Variants in AGBL1 observed in about 807,000 individuals in gnomAD.
AGBL1 encodes cytosolic carboxypeptidase 4.
Under a neutral mutation model 118.9 loss-of-function variants are expected in AGBL1, and 130 were observed. The observed-to-expected ratio is 1.09, with a 90% CI of 0.95 to 1.26. The LOEUF (loss-of-function observed/expected upper bound fraction) is 1.26, where lower values mean the gene tolerates loss of function less well. Among genes scored for constraint, AGBL1 ranks in the 50% most tolerant of loss-of-function variants. AGBL1 has a pLI of 0.00. For missense variants in AGBL1, 1,584 were observed against 1,298.1 expected, an observed-to-expected ratio of 1.22 and a Z score of -3.38; for synonymous variants, 555 against 478.9, an observed-to-expected ratio of 1.16 and a Z score of -2.08.
At chr15:86,852,115 G>T (rs903507317) in intron 22 of AGBL1, among the ~76,000 whole-genome samples, 9 of 152,068 alleles carry the variant, frequency 5.9e-5, no homozygotes, top group African/African-American at 2.2e-4. Context: ...ATTTATAAAG[G>T]AAAGAGGTTT....
At chr15:86,155,449 TA>T (rs1395263879) in intron 4 of AGBL1, among the ~76,000 whole-genome samples, 3 of 152,014 alleles carry the variant, frequency 2.0e-5, no homozygotes, top group African/African-American at 7.3e-5. Flanking sequence ...GACCTTGTCT[TA>T]AAAAAATAAA....
At chr15:86,754,280 G>A (rs765820479) in intron 22 of AGBL1, among the ~76,000 whole-genome samples, 1 of 152,080 alleles carries the variant, frequency 6.6e-6, no homozygotes, top group Non-Finnish European at 1.5e-5. Context: ...TTTTCATGCA[G>A]ATATATCTTG....
intron 22 of AGBL1, among the ~76,000 whole-genome samples, chr15:86,699,969 G>T (rs1056837795): frequency 1.3e-5 from 2 of 151,982 alleles, no homozygotes; most frequent in Admixed American, 6.6e-5. Context: ...ACGCCAAATT[G>T]TTATTTTCCA....
intron 21 of AGBL1, among the ~76,000 whole-genome samples, chr15:86,568,293 TA>T (rs904380000): frequency 1.3e-5 from 2 of 152,164 alleles, no homozygotes; most frequent in African/African-American, 4.8e-5. Context: ...TGGCTCTGTG[TA>T]AGTTTTCTGG....
At chr15:86,133,118 G>GT (rs901757791) in intron 1 of AGBL1, among the ~76,000 whole-genome samples, 8 of 152,142 alleles carry the variant, frequency 5.3e-5, no homozygotes, top group African/African-American at 1.2e-4. Context: ...TGTTACAGAG[G>GT]TTATGGAAAT....
chr15:86,204,272 T>C (rs2077953981), intron 5 of AGBL1, among the ~76,000 whole-genome samples: 1 of 152,206 alleles, frequency 6.6e-6, no homozygotes. Context: ...CATTGCCCCC[T>C]GTCCTTCCTC....
At chr15:86,769,052 A>G (rs1341367648) in intron 22 of AGBL1, among the ~76,000 whole-genome samples, 1 of 151,988 alleles carries the variant, frequency 6.6e-6, no homozygotes, top group Non-Finnish European at 1.5e-5. Context: ...AGCATATTGC[A>G]TCAGTTGCCA....
chr15:86,319,897 C>T (rs2080078949), intron 17 of AGBL1, among the ~76,000 whole-genome samples: 1 of 151,666 alleles, frequency 6.6e-6, no homozygotes, highest in Non-Finnish European at 1.5e-5. Context: ...GCTGGGATTA[C>T]AGGCACCCGC....
chr15:86,893,669 A>T (rs1416811582), intron 22 of AGBL1, among the ~76,000 whole-genome samples: 1 of 152,182 alleles, frequency 6.6e-6, no homozygotes, highest in African/African-American at 2.4e-5. Flanking sequence ...AGCTGCATTT[A>T]TATAGGTTTA....
chr15:86,141,617 C>T (rs1431192904), intron 1 of AGBL1, among the ~76,000 whole-genome samples: 1 of 152,134 alleles, frequency 6.6e-6, no homozygotes, highest in Non-Finnish European at 1.5e-5. Context: ...CACCACTGCA[C>T]CCCCGCCTGG....
At position 86,383,221 on chromosome 15, in the gene AGBL1, A is replaced by T. The variant is rs368257698; in HGVS notation, c.2375-14145A>T. On this transcript the variant is annotated intron_variant, in intron 17 of 22. Coordinates refer to ENST00000614907, the MANE Select transcript of AGBL1 (RefSeq NM_001386094.1). ...GCCCAAGATTCCTGAGAGATGCTGC[A>T]CTGAAGAGAGTAAGCATTCAGTATG... is the stretch of plus-strand genomic sequence containing the variant. Among the ~76,000 whole-genome samples, 8 of 140,610 alleles carry T rather than the reference A, an allele frequency of 5.7e-5. No homozygotes were observed. The East Asian group carries it at 1.1e-3, about 19-fold the overall frequency. 92.2% of individuals were successfully genotyped at this position (140,610 alleles called of 152,430 possible). A position where few individuals can be genotyped will look rare whatever the true frequency, so the allele number is the denominator to read the frequency against.
At chr15:86,645,337 G>A (rs1367692988) in intron 21 of AGBL1, among the ~76,000 whole-genome samples, 1 of 152,200 alleles carries the variant, frequency 6.6e-6, no homozygotes, top group African/African-American at 2.4e-5. Flanking sequence ...ATTGGGGAAG[G>A]ACAGGTTGGT....
Position 86,895,580 on chromosome 15 carries a change from C to T in AGBL1, c.3159-11507C>T, listed in dbSNP as rs551403929. Reference sequence around the variant, plus strand: ...AGAATTGCAGTTTGGGGTTCATTTTCCCTCAGCATTGACAAGACATAATTA... The same window carrying T: ...AGAATTGCAGTTTGGGGTTCATTTTTCCTCAGCATTGACAAGACATAATTA... On this transcript the variant is annotated intron_variant, in intron 22 of 22. Coordinates refer to ENST00000614907, the MANE Select transcript of AGBL1 (RefSeq NM_001386094.1). 3.7e-4 allele frequency among the ~76,000 whole-genome samples: 56 copies of T among 152,080 alleles called. 2 individuals carry two copies. The South Asian group carries it at 0.01, about 28-fold the overall frequency.
chr15:86,738,258 A>G (rs192126078), intron 22 of AGBL1, among the ~76,000 whole-genome samples: 23 of 152,338 alleles, frequency 1.5e-4, no homozygotes, highest in Admixed American at 1.4e-3. Flanking sequence ...TGTGACAATT[A>G]CACAGCTAAC....
At chr15:86,769,950 C>T (rs541630757) in intron 22 of AGBL1, among the ~76,000 whole-genome samples, 3 of 151,860 alleles carry the variant, frequency 2.0e-5, no homozygotes, top group Admixed American at 6.6e-5. Context: ...CAGTTATATA[C>T]CAAGCATTAA....
At chr15:86,477,635 C>G (rs1211489137) in intron 18 of AGBL1, among the ~76,000 whole-genome samples, 1 of 152,148 alleles carries the variant, frequency 6.6e-6, no homozygotes, top group Admixed American at 6.5e-5. Context: ...GTATTCACAG[C>G]CAAATTCTAC....
chr15:86,640,998 T>C (rs1326383778), intron 21 of AGBL1, among the ~76,000 whole-genome samples: 1 of 152,060 alleles, frequency 6.6e-6, no homozygotes, highest in Non-Finnish European at 1.5e-5. Flanking sequence ...TTTTGGCCAT[T>C]TGCATTTATT....
chr15:86,562,451 AT>A (rs2083839771), intron 21 of AGBL1, among the ~76,000 whole-genome samples: 1 of 152,002 alleles, frequency 6.6e-6, no homozygotes, highest in African/African-American at 2.4e-5. Context: ...ATGTTTATTG[AT>A]TTGCATATGT....
intron 16 of AGBL1, among the ~76,000 whole-genome samples, chr15:86,286,761 A>G (rs568131106): frequency 2.7e-5 from 4 of 147,570 alleles, no homozygotes; most frequent in Admixed American, 1.3e-4. Flanking sequence ...AACTCCATCA[A>G]TGCGCACTGT....
Sources: allele counts gnomAD v4.1 joint callset (sites outside exome capture counted in the v4.1 genomes callset), GRCh38; gene constraint gnomAD v4.1.1; transcripts MANE v1.5; gene names NCBI Gene and HGNC (gene_info 2026-07-23, HGNC 2026-07-21).